Variants in INTS10 observed in about 807,000 individuals in gnomAD.
INTS10 encodes chromosome 8 open reading frame 35.
Under a neutral mutation model 94.4 loss-of-function variants are expected in INTS10, and 44 were observed. That is an observed-to-expected ratio of 0.47 (90% CI 0.37 to 0.60). The LOEUF (loss-of-function observed/expected upper bound fraction) is 0.60, where lower values mean the gene tolerates loss of function less well. Among genes scored for constraint, INTS10 ranks in the 20% least tolerant of loss-of-function variants. The pLI, the probability that INTS10 is intolerant of heterozygous loss-of-function variation, is 0.00. For missense variants in INTS10, 797 were observed against 868.7 expected (o/e 0.92, Z 1.04); for synonymous variants, 341 against 320.7 (o/e 1.06, Z -0.68).
At position 19,818,280 on chromosome 8, in the gene INTS10, GATGTACACC is replaced by G; in HGVS notation, c.138_146del (p.Met46_Thr48del). 6.2e-7 allele frequency: 1 copy of G among 1,614,198 alleles called. No homozygotes were observed. The highest frequency in any genetic ancestry group is 8.5e-7 in the Non-Finnish European group (1 of 1,180,032). On this transcript the variant is annotated inframe_deletion, in exon 2 of 17. Transcript: ENST00000397977. The stretch of plus-strand genomic sequence containing the variant: ...GTGCCTGATGTGTGTTGCAGTATGA[GATGTACACC>G]ATCGAGCGGAATGCAGAGCGGACCG...
chr8:19,824,368 T>C, intron 7 of INTS10: 1 of 209,976 alleles, frequency 4.8e-6, no homozygotes, highest in Non-Finnish European at 9.4e-6. Flanking sequence ...GATGCGTGCC[T>C]GTAGTCCCAG....
chr8:19,821,107 A>ATTC (rs58347057), intron 4 of INTS10: 61,201 of 151,760 alleles, frequency 0.4, 12,877 homozygotes, highest in African/African-American at 0.51. Flanking sequence ...TCTGCGGCTT[A>ATTC]TTTCCCATGC....
chr8:19,834,977 C>T (rs540168259), intron 12 of INTS10, among the ~76,000 whole-genome samples: 4 of 152,098 alleles, frequency 2.6e-5, no homozygotes, highest in Non-Finnish European at 5.9e-5. Flanking sequence ...GTTTTGCTCT[C>T]ATCATCTACT....
Position 19,849,234 on chromosome 8 carries a change from T to C in INTS10, c.1977-2415T>C, listed in dbSNP as rs1476267036. Reference sequence around the variant, plus strand: ...TGCTTCAGCCCAGCATACAGACTGCTGACAGGTACCAAGTGGAATCAACGC... The same window carrying C: ...TGCTTCAGCCCAGCATACAGACTGCCGACAGGTACCAAGTGGAATCAACGC... On this transcript the variant is annotated intron_variant, in intron 16 of 16. Coordinates refer to ENST00000397977, the MANE Select transcript of INTS10 (RefSeq NM_018142.4). The surrounding 1 kb of genome is among the most constrained non-coding windows in gnomAD (Gnocchi z 4.6). 2 of 1,288,454 alleles carry C rather than the reference T, an allele frequency of 1.6e-6. No individual in the cohort carries two copies. Among genetic ancestry groups the C allele is most frequent in the South Asian group, 1.2e-5 (1 of 80,980 alleles). 79.8% of individuals were successfully genotyped at this position (1,288,454 alleles called of 1,614,324 possible).
chr8:19,820,786 T>C (rs1338562069), intron 4 of INTS10, among the ~76,000 whole-genome samples: 1 of 152,226 alleles, frequency 6.6e-6, no homozygotes, highest in Non-Finnish European at 1.5e-5. Flanking sequence ...AGTAATCTTT[T>C]TCCGTTGTAT....
At position 19,851,541 on chromosome 8, in the gene INTS10, A is replaced by AAATT. The variant is rs1418556778; in HGVS notation, c.1977-106_1977-103dup. Reference sequence around the variant, plus strand: ...TCTTGTGTTCTTTTTAAAATATCTGAAATTATACTTAGATATGGGGCAGGC... The same window carrying AAATT: ...TCTTGTGTTCTTTTTAAAATATCTGAAATTAATTATACTTAGATATGGGGCAGGC... On this transcript the variant is annotated intron_variant, in intron 16 of 16. Transcript: ENST00000397977. This position sits in a 1 kb window ranked among gnomAD's most constrained non-coding sequence, Gnocchi z 5.0. 1 of 974,618 alleles carries AAATT rather than the reference A, an allele frequency of 1.0e-6. No homozygotes were observed. The highest frequency in any genetic ancestry group is 1.6e-6 in the Non-Finnish European group (1 of 636,620). 60.4% of individuals were successfully genotyped at this position (974,618 alleles called of 1,614,324 possible).
chr8:19,823,469 T>TTAAA, intron 6 of INTS10, 28 bp downstream of exon 6: 1 of 1,443,710 alleles, frequency 6.9e-7, no homozygotes, highest in Non-Finnish European at 9.7e-7. Flanking sequence ...GTACTTTTAC[T>TTAAA]TAAATAGGCT....
At chr8:19,837,816 T>G (rs2067782091) in intron 13 of INTS10, among the ~76,000 whole-genome samples, 1 of 147,316 alleles carries the variant, frequency 6.8e-6, no homozygotes, top group Non-Finnish European at 1.5e-5. Context: ...AAACTGGAAG[T>G]TTTTTTTTTG....
At position 19,823,428 on chromosome 8, in the gene INTS10, A is replaced by G. The variant is rs2066543627; in HGVS notation, c.651A>G (p.Glu217=). The change falls in exon 6 of 17, where the codon GAA becomes GAG. Residue 217 remains glutamate, a synonymous_variant. Transcript: ENST00000397977. ...INYVTRSTQI[E]NQHQGAQDTS... ...ATGTCACTAGGTCTACTCAAATAGA[A>G]AATCAGCATCAAGGTAAGTAGGAAT... 6.2e-7 allele frequency: 1 copy of G among 1,603,974 alleles called. No individual in the cohort carries two copies. Among genetic ancestry groups the G allele is most frequent in the Admixed American group, 1.7e-5 (1 of 59,810 alleles).
At chr8:19,824,117 T>G in intron 7 of INTS10, 73 bp downstream of exon 7, 1 of 1,305,464 alleles carries the variant, frequency 7.7e-7, no homozygotes, top group Non-Finnish European at 1.1e-6. Flanking sequence ...TCATGCTTTT[T>G]AAATCTGTGT....
At chr8:19,819,031 C>T (rs1483677678) in intron 2 of INTS10, among the ~76,000 whole-genome samples, 1 of 152,124 alleles carries the variant, frequency 6.6e-6, no homozygotes, top group African/African-American at 2.4e-5. Flanking sequence ...AAATTTGATA[C>T]GCTATGAAAT....
chr8:19,824,542 C>T (rs1401394187), intron 7 of INTS10: 2 of 364,272 alleles, frequency 5.5e-6, no homozygotes, highest in Non-Finnish European at 9.7e-6. Context: ...AATATGAACT[C>T]TTAAGACGAT....
Position 19,833,276 on chromosome 8 carries a change from G to A in INTS10, c.1485G>A (p.Ala495=), listed in dbSNP as rs369642015. The part of the protein sequence containing the change: ...TGQGTLEHQR[A]LIQLATCHFA... ...AGGGGACCCTGGAGCATCAGAGGGC[G>A]CTCATCCAGCTGGCGACGTGCCACT... The change falls in exon 12 of 17, where the codon GCG becomes GCA. Residue 495 remains alanine, a synonymous_variant. Coordinates refer to ENST00000397977, the MANE Select transcript of INTS10 (RefSeq NM_018142.4). 99 of 1,612,924 alleles carry A rather than the reference G, an allele frequency of 6.1e-5. 1 individual carries two copies. In the African/African-American group the frequency reaches 1.0e-3, roughly 17 times the overall value.
At chr8:19,822,834 CA>C in intron 5 of INTS10, among the ~76,000 whole-genome samples, 1 of 151,942 alleles carries the variant, frequency 6.6e-6, no homozygotes, top group East Asian at 1.9e-4. Flanking sequence ...CCTGTAGTCC[CA>C]GCTACTACGG....
Position 19,851,281 on chromosome 8 carries a change from C to T in INTS10, c.1977-368C>T, listed in dbSNP as rs1036356765. Among the ~76,000 whole-genome samples the T allele has an allele frequency of 1.3e-5, 2 of 152,164 alleles. No individual in the cohort carries two copies. Among genetic ancestry groups the T allele is most frequent in the South Asian group, 2.1e-4 (1 of 4,836 alleles). On this transcript the variant is annotated intron_variant, in intron 16 of 16. Coordinates refer to ENST00000397977, the MANE Select transcript of INTS10 (RefSeq NM_018142.4). The surrounding 1 kb of genome is among the most constrained non-coding windows in gnomAD (Gnocchi z 5.0). ...GTCTGCTGGCCGGGCTGGACATGAG[C>T]TCTTTGTAGCCAGTGTGGACTGGAC... is the stretch of plus-strand genomic sequence containing the variant.
At chr8:19,822,365 T>C (rs2066445651) in intron 4 of INTS10, 74 bp from the exon 5 acceptor site, 2 of 773,980 alleles carry the variant, frequency 2.6e-6, no homozygotes, top group Admixed American at 2.5e-5. Context: ...GTAAAAAAAA[T>C]ACCCCATTAC....
rs1048166115 is a variant in INTS10, at chr8:19,846,994, G to C, written c.1976+1197G>C. 1.1e-4 allele frequency among the ~76,000 whole-genome samples: 17 copies of C among 152,226 alleles called. No homozygotes were observed. Among genetic ancestry groups the C allele is most frequent in the African/African-American group, 4.1e-4 (17 of 41,558 alleles). ...TTGTGGAATAAACTAGTTTTCAGTG[G>C]TTGAAAGCAAAAATCCACATCTTGT... On this transcript the variant is annotated intron_variant, in intron 16 of 16. Coordinates refer to ENST00000397977, the MANE Select transcript of INTS10 (RefSeq NM_018142.4). This position sits in a 1 kb window ranked among gnomAD's most constrained non-coding sequence, Gnocchi z 4.2.
chr8:19,842,051 C>G lies in INTS10; in HGVS notation c.1640-797C>G, dbSNP rs534790189. 2.8e-4 allele frequency: 57 copies of G among 206,054 alleles called. No individual in the cohort carries two copies. In the Middle Eastern group the frequency reaches 6.0e-3, roughly 22 times the overall value. The allele number at this position is 206,054 out of a possible 1,614,324, so 12.8% of individuals were successfully genotyped here. On this transcript the variant is annotated intron_variant, in intron 13 of 16. Transcript: ENST00000397977. ...AGATAACAGACATAAAGAACACAGACCAGAAAGGAAAGATTGGGATTTTGC... is the reference window on the plus strand; with the variant it reads ...AGATAACAGACATAAAGAACACAGAGCAGAAAGGAAAGATTGGGATTTTGC...
chr8:19,818,630 G>C (rs1050747467), intron 2 of INTS10: 8 of 416,052 alleles, frequency 1.9e-5, no homozygotes, highest in South Asian at 1.5e-4. Context: ...ACTTGTTATA[G>C]AGAACAAAAA....
Sources: gnomAD v4.1 joint callset for allele counts (sites outside exome capture counted in the v4.1 genomes callset) on GRCh38, gnomAD v4.1.1 for gene constraint, Gnocchi (gnomAD v3.1) non-coding constraint, MANE v1.5 for transcripts, NCBI Gene and HGNC (gene_info 2026-07-23, HGNC 2026-07-21) for gene names.